The following ENTHD1 variants were observed in gnomAD, a reference collection of about 807,000 sequenced individuals.
The protein encoded by ENTHD1 is ENTH domain-containing protein 1.
In ENTHD1, 23 loss-of-function variants were observed where a neutral mutation model predicts 39.1. The observed-to-expected ratio is 0.59, with a 90% CI of 0.42 to 0.83. ENTHD1 has a LOEUF of 0.83. Among genes scored for constraint, ENTHD1 ranks in the 40% least tolerant of loss-of-function variants. The pLI is 0.00. For missense variants in ENTHD1, 624 were observed against 705.4 expected, an observed-to-expected ratio of 0.88 and a Z score of 1.31; for synonymous variants, 230 against 258.2, an observed-to-expected ratio of 0.89 and a Z score of 1.05.
chr22:39,885,698 G>A (rs1054298243), intron 2 of ENTHD1, among the ~76,000 whole-genome samples: 1 of 152,166 alleles, frequency 6.6e-6, no homozygotes, highest in Non-Finnish European at 1.5e-5. Flanking sequence ...CAACGCTGAG[G>A]ACATTATGGT....
chr22:39,850,031 T>C (rs746092546), intron 3 of ENTHD1, among the ~76,000 whole-genome samples: 2 of 152,180 alleles, frequency 1.3e-5, no homozygotes, highest in African/African-American at 2.4e-5. Flanking sequence ...TCAAATTTAA[T>C]GGTATTTTGG....
intron 3 of ENTHD1, among the ~76,000 whole-genome samples, chr22:39,837,070 T>C (rs2146678927): frequency 6.6e-6 from 1 of 152,354 alleles, no homozygotes; most frequent in Admixed American, 6.5e-5. Flanking sequence ...CTAAACAATA[T>C]TTTTATAGTC....
chr22:39,774,020 T>C (rs1411033762), intron 5 of ENTHD1, among the ~76,000 whole-genome samples: 1 of 152,056 alleles, frequency 6.6e-6, no homozygotes, highest in African/African-American at 2.4e-5. Flanking sequence ...GCGTTACGAG[T>C]GCACAGTGCA....
chr22:39,776,379 T>C (rs977512744), intron 5 of ENTHD1, among the ~76,000 whole-genome samples: 1 of 152,222 alleles, frequency 6.6e-6, no homozygotes, highest in African/African-American at 2.4e-5. Context: ...TCTCATTTTC[T>C]TTCCATTTGA....
At chr22:39,772,515 A>G (rs1366725297) in intron 5 of ENTHD1, among the ~76,000 whole-genome samples, 1 of 152,236 alleles carries the variant, frequency 6.6e-6, no homozygotes, top group Non-Finnish European at 1.5e-5. Context: ...TATAACTACC[A>G]AGTCTAATAG....
chr22:39,779,123 C>T (rs2065387796), intron 5 of ENTHD1, among the ~76,000 whole-genome samples: 1 of 152,046 alleles, frequency 6.6e-6, no homozygotes, highest in South Asian at 2.1e-4. Context: ...TCGAGACCAG[C>T]CTGGCCAACA....
At chr22:39,750,616 T>C (rs1238121340) in intron 6 of ENTHD1, 1 of 152,828 alleles carries the variant, frequency 6.5e-6, no homozygotes, top group Non-Finnish European at 1.5e-5. Flanking sequence ...TTCCTTTGGC[T>C]TGAATGATGG....
At chr22:39,800,462 C>A (rs1017132699) in intron 5 of ENTHD1, among the ~76,000 whole-genome samples, 26 of 152,188 alleles carry the variant, frequency 1.7e-4, no homozygotes, top group African/African-American at 6.3e-4. Flanking sequence ...AAGAATCCTG[C>A]GTGTCTAACC....
chr22:39,843,811 C>G (rs941105935), intron 3 of ENTHD1, among the ~76,000 whole-genome samples: 18 of 152,080 alleles, frequency 1.2e-4, no homozygotes. Flanking sequence ...TGACCTTGAA[C>G]GAAGAGGCTG....
intron 4 of ENTHD1, among the ~76,000 whole-genome samples, chr22:39,832,168 A>G (rs2065874303): frequency 6.6e-6 from 1 of 152,092 alleles, no homozygotes; most frequent in Non-Finnish European, 1.5e-5. Flanking sequence ...ATATTTTTAA[A>G]ATTAGCCAGG....
At chr22:39,789,018 CTT>C (rs966576551) in intron 5 of ENTHD1, among the ~76,000 whole-genome samples, 9 of 152,130 alleles carry the variant, frequency 5.9e-5, no homozygotes, top group Admixed American at 1.3e-4. Flanking sequence ...ATGTGTGACT[CTT>C]TATTGCAATG....
intron 6 of ENTHD1, among the ~76,000 whole-genome samples, chr22:39,761,709 C>A (rs2065234146): frequency 6.6e-6 from 1 of 152,064 alleles, no homozygotes. Context: ...TTTTAATCTT[C>A]TGCTAAGCCC....
At chr22:39,875,546 C>A (rs1439657833) in intron 2 of ENTHD1, 36 of 1,611,148 alleles carry the variant, frequency 2.2e-5, no homozygotes, top group Non-Finnish European at 3.0e-5. Context: ...CGTCAAGGTG[C>A]CTGACTTCTC....
At chr22:39,886,302 T>C (rs2066379002) in intron 2 of ENTHD1, among the ~76,000 whole-genome samples, 1 of 152,176 alleles carries the variant, frequency 6.6e-6, no homozygotes, top group Admixed American at 6.5e-5. Flanking sequence ...ATATCTACTC[T>C]GTATGATAGT....
chr22:39,842,099 G>A (rs910536510), intron 3 of ENTHD1, among the ~76,000 whole-genome samples: 8 of 151,684 alleles, frequency 5.3e-5, no homozygotes, highest in African/African-American at 1.9e-4. Flanking sequence ...TTTCTGCCGA[G>A]AGATCTGCTG....
intron 2 of ENTHD1, among the ~76,000 whole-genome samples, chr22:39,882,761 T>C (rs1468208807): frequency 3.3e-5 from 5 of 151,858 alleles, no homozygotes; most frequent in Admixed American, 3.3e-4. Flanking sequence ...TCCCAGCACT[T>C]TGGGAGGCTG....
chr22:39,875,235 G>A, intron 2 of ENTHD1: 2 of 1,065,040 alleles, frequency 1.9e-6, no homozygotes, highest in Non-Finnish European at 1.2e-6. Context: ...CATACGGTAT[G>A]CTTCCATTTA....
At chr22:39,880,862 C>T (rs142516423) in intron 2 of ENTHD1, among the ~76,000 whole-genome samples, 1 of 152,232 alleles carries the variant, frequency 6.6e-6, no homozygotes, top group African/African-American at 2.4e-5. Flanking sequence ...ATCCTTAATT[C>T]CTTCATTCAA....
At chr22:39,798,223 CTA>C (rs2065566679) in intron 5 of ENTHD1, among the ~76,000 whole-genome samples, 1 of 151,820 alleles carries the variant, frequency 6.6e-6, no homozygotes, top group Non-Finnish European at 1.5e-5. Context: ...TTGTTCTAGT[CTA>C]TTGTTGAAGC....
Sources: allele counts gnomAD v4.1 joint callset (sites outside exome capture counted in the v4.1 genomes callset), GRCh38; gene constraint gnomAD v4.1.1; transcripts MANE v1.5; gene names NCBI Gene and HGNC (gene_info 2026-07-23, HGNC 2026-07-21).